The following ACOXL variants were observed in gnomAD, a reference collection of about 807,000 sequenced individuals.
The protein encoded by ACOXL is acyl-CoA oxidase like.
In ACOXL, 70 loss-of-function variants were observed where a neutral mutation model predicts 71.9. The ratio of observed to expected loss-of-function variants is 0.97; its 90% CI spans 0.80 to 1.19. The LOEUF is 1.19. Among genes scored for constraint, ACOXL ranks in the 50% most tolerant of loss-of-function variants. The pLI is 0.00. For missense variants in ACOXL, 703 were observed against 736.3 expected (o/e 0.95, Z 0.52); for synonymous variants, 253 against 281.6 (o/e 0.90, Z 1.02).
intron 10 of ACOXL, among the ~76,000 whole-genome samples, chr2:110,848,649 A>G (rs1263126532): frequency 1.3e-5 from 2 of 152,124 alleles, no homozygotes; most frequent in African/African-American, 4.8e-5. Context: ...TGCCTCTCCT[A>G]TACCCCTTTA....
chr2:110,783,970 T>A (rs1683642569), intron 2 of ACOXL, among the ~76,000 whole-genome samples: 1 of 152,238 alleles, frequency 6.6e-6, no homozygotes, highest in Non-Finnish European at 1.5e-5. Context: ...CCTTGGGATT[T>A]GTGGCTGTTG....
At chr2:111,018,686 G>A (rs1349716643) in intron 14 of ACOXL, among the ~76,000 whole-genome samples, 6 of 146,288 alleles carry the variant, frequency 4.1e-5, no homozygotes, top group Non-Finnish European at 1.5e-5. Context: ...TGCAGCCCGA[G>A]CTTGGGTGGT....
intron 16 of ACOXL, among the ~76,000 whole-genome samples, chr2:111,059,058 A>C (rs2066680577): frequency 6.6e-6 from 1 of 152,166 alleles, no homozygotes; most frequent in Non-Finnish European, 1.5e-5. Flanking sequence ...TGGGCAACAT[A>C]GATCTCTACA....
intron 12 of ACOXL, among the ~76,000 whole-genome samples, chr2:110,969,154 A>G (rs1438581354): frequency 1.3e-5 from 2 of 152,322 alleles, no homozygotes; most frequent in East Asian, 3.9e-4. Flanking sequence ...ATCAAAACGT[A>G]TGGGAGGCAG....
chr2:110,984,965 AGC>A (rs2062864774), intron 12 of ACOXL, among the ~76,000 whole-genome samples: 1 of 152,222 alleles, frequency 6.6e-6, no homozygotes, highest in Non-Finnish European at 1.5e-5. Context: ...AGCACCAGGT[AGC>A]CATAAATGCC....
chr2:110,775,754 G>A (rs1682556327), intron 2 of ACOXL, among the ~76,000 whole-genome samples: 1 of 152,154 alleles, frequency 6.6e-6, no homozygotes, highest in African/African-American at 2.4e-5. Flanking sequence ...AAAAGAACAA[G>A]TGTTGGAGAG....
intron 10 of ACOXL, among the ~76,000 whole-genome samples, chr2:110,870,721 ACT>A (rs949035490): frequency 6.6e-6 from 1 of 152,010 alleles, no homozygotes; most frequent in Non-Finnish European, 1.5e-5. Context: ...CCTGTGGGTG[ACT>A]CTGAAATTTT....
At chr2:110,807,156 T>G (rs1559289156) in intron 9 of ACOXL, among the ~76,000 whole-genome samples, 1 of 152,216 alleles carries the variant, frequency 6.6e-6, no homozygotes, top group African/African-American at 2.4e-5. Flanking sequence ...CACGGAGACG[T>G]GATCATGATC....
chr2:110,996,788 G>A (rs915571952), intron 14 of ACOXL, among the ~76,000 whole-genome samples: 2 of 152,172 alleles, frequency 1.3e-5, no homozygotes, highest in African/African-American at 4.8e-5. Flanking sequence ...CACAGCAGGG[G>A]TAGAAGGGAA....
intron 11 of ACOXL, among the ~76,000 whole-genome samples, chr2:110,924,715 A>G (rs2060207629): frequency 6.7e-6 from 1 of 150,226 alleles, no homozygotes; most frequent in Admixed American, 6.7e-5. Context: ...GAACCCCTCA[A>G]AGTCATCCAT....
At chr2:110,803,042 G>T (rs1007849865) in intron 8 of ACOXL, among the ~76,000 whole-genome samples, 3 of 151,924 alleles carry the variant, frequency 2.0e-5, no homozygotes, top group Non-Finnish European at 4.4e-5. Context: ...AAAAGAAAAA[G>T]AAAAAAACTT....
chr2:110,921,982 A>G (rs1349585666), intron 11 of ACOXL, among the ~76,000 whole-genome samples: 2 of 152,172 alleles, frequency 1.3e-5, no homozygotes, highest in African/African-American at 4.8e-5. Flanking sequence ...TTCTATGTAC[A>G]CTTAAAAAGG....
intron 10 of ACOXL, among the ~76,000 whole-genome samples, chr2:110,897,174 G>A (rs917963994): frequency 3.9e-5 from 6 of 152,068 alleles, no homozygotes; most frequent in African/African-American, 1.4e-4. Flanking sequence ...AAAATATGTT[G>A]AACTAGATGG....
intron 16 of ACOXL, among the ~76,000 whole-genome samples, chr2:111,059,504 A>G (rs2066700922): frequency 6.6e-6 from 1 of 152,248 alleles, no homozygotes; most frequent in African/African-American, 2.4e-5. Flanking sequence ...ATATATTTCA[A>G]AAATGCACAT....
At chr2:110,914,908 AGAT>A (rs2059782348) in intron 11 of ACOXL, among the ~76,000 whole-genome samples, 2 of 152,192 alleles carry the variant, frequency 1.3e-5, no homozygotes, top group African/African-American at 4.8e-5. Context: ...GGGGTACGTG[AGAT>A]GTTTTAATGC....
intron 10 of ACOXL, among the ~76,000 whole-genome samples, chr2:110,879,911 G>T (rs1401070980): frequency 6.6e-6 from 1 of 152,128 alleles, no homozygotes; most frequent in African/African-American, 2.4e-5. Flanking sequence ...TTGGGAGGCT[G>T]AGGGCAGGTG....
intron 10 of ACOXL, among the ~76,000 whole-genome samples, chr2:110,886,543 G>A (rs182430148): frequency 5.3e-4 from 80 of 151,932 alleles, no homozygotes; most frequent in African/African-American, 1.9e-3. Context: ...CGCTTGGCTA[G>A]TATTTTTGTA....
chr2:111,071,069 T>A (rs2067317537), intron 16 of ACOXL, among the ~76,000 whole-genome samples: 1 of 152,164 alleles, frequency 6.6e-6, no homozygotes, highest in South Asian at 2.1e-4. Context: ...CCAGAGCACT[T>A]GGCTACCAGA....
intron 11 of ACOXL, among the ~76,000 whole-genome samples, chr2:110,913,778 G>A (rs779752231): frequency 6.6e-6 from 1 of 152,180 alleles, no homozygotes; most frequent in Non-Finnish European, 1.5e-5. Context: ...GGCAGAAGGT[G>A]AAGTAGGAGG....
Sources: allele counts gnomAD v4.1 joint callset (sites outside exome capture counted in the v4.1 genomes callset), GRCh38; gene constraint gnomAD v4.1.1; transcripts MANE v1.5; gene names NCBI Gene and HGNC (gene_info 2026-07-23, HGNC 2026-07-21).